TULP1: variants seen among roughly 807,000 people sequenced by gnomAD.
The protein encoded by TULP1 is tubby-related protein 1.
In TULP1, 50 loss-of-function variants were observed where a neutral mutation model predicts 67.1. The ratio of observed to expected loss-of-function variants is 0.75; its 90% CI spans 0.59 to 0.94. The LOEUF is 0.94. Among genes scored for constraint, TULP1 ranks in the 40% least tolerant of loss-of-function variants. The pLI is 0.00. For synonymous variants in TULP1, 297 were observed against 294.0 expected (o/e 1.01, Z -0.11); for missense variants, 746 against 734.1 (o/e 1.02, Z -0.19).
chr6:35,505,198 A>T (rs1413374208), intron 11 of TULP1, among the ~76,000 whole-genome samples: 1 of 152,202 alleles, frequency 6.6e-6, no homozygotes, highest in Non-Finnish European at 1.5e-5. Context: ...TGGCCTCCCA[A>T]AATGCTGGGA....
intron 4 of TULP1, 111 bp downstream of exon 4, chr6:35,511,537 G>A: frequency 1.3e-6 from 2 of 1,489,316 alleles, no homozygotes; most frequent in Non-Finnish European, 1.8e-6. Context: ...AAAAGTGGGG[G>A]CTATTTGACT....
Position 35,509,903 on chromosome 6 carries a change from T to G in TULP1, c.525A>C (p.Pro175=). The part of the protein sequence containing the change: ...PRGDLGSPDP[P]PKPLRVRNKE... ...TATTCCTAACACGCAGAGGTTTCGG[T>G]GGGGGGTCAGGGCTTCCCAGGTCTC... The change falls in exon 6 of 15, where the codon CCA becomes CCC. Residue 175 remains proline, a synonymous_variant. Coordinates refer to ENST00000229771, the MANE Select transcript of TULP1 (RefSeq NM_003322.6). 2 of 1,613,670 alleles carry G rather than the reference T, an allele frequency of 1.2e-6. No individual in the cohort carries two copies. Among genetic ancestry groups the G allele is most frequent in the Non-Finnish European group, 1.7e-6 (2 of 1,179,942 alleles).
In TULP1 at chr6:35,505,848, G is replaced by A. The variant is rs1761069420; in HGVS notation, c.1005C>T (p.Phe335=). The A allele has an allele frequency of 3.7e-6, 6 of 1,614,200 alleles. No homozygotes were observed. In the South Asian group the frequency reaches 6.6e-5, roughly 18 times the overall value. ...GTTTTCGTTTCCTGCCAGCCAAGAG[G>A]AACACCTGGGGAAAAGGGGAGACAG... is the stretch of plus-strand genomic sequence containing the variant. ...FLHLDTEKKV[F]LLAGRKRKRS... is the part of the protein sequence containing the mutation. The change falls in exon 11 of 15, where the codon TTC becomes TTT. Residue 335 remains phenylalanine (F), a synonymous_variant. Transcript: ENST00000229771.
At chr6:35,500,173 A>G in intron 13 of TULP1, 21 bp from the exon 14 acceptor site, 2 of 1,613,374 alleles carry the variant, frequency 1.2e-6, no homozygotes, top group East Asian at 2.2e-5. Flanking sequence ...CCAGGGGAGT[A>G]GACAGGGAGA....
In TULP1 at chr6:35,512,809, G is replaced by T. The variant is rs748291939; in HGVS notation, c.47+3C>A. ...GGTGCCACGAACTGGGGGCCTTCCA[G>T]ACCTGTCAGAGGCCCACACCTCTCG... On this transcript the variant is annotated splice_donor_region_variant and intron_variant, in intron 1 of 14. Transcript: ENST00000229771. 5.8e-6 allele frequency: 9 copies of T among 1,556,878 alleles called. No homozygotes were observed. Among genetic ancestry groups the T allele is most frequent in the Non-Finnish European group, 7.0e-6 (8 of 1,144,872 alleles).
rs1387933767 is a variant in TULP1 at position 35,499,964 on chromosome 6, G to A, written c.1495+17C>T. ...GGGTGGTGGAGAAGAGCCAGACCTG[G>A]GCCCTCAGGTACTCACGGTCATCAG... On this transcript the variant is annotated intron_variant, in intron 14 of 14. Coordinates refer to ENST00000229771, the MANE Select transcript of TULP1 (RefSeq NM_003322.6). The A allele has an allele frequency of 1.2e-6, 2 of 1,613,634 alleles. No homozygotes were observed. Among genetic ancestry groups the A allele is most frequent in the African/African-American group, 1.3e-5 (1 of 74,914 alleles).
Position 35,500,025 on chromosome 6 carries a change from G to C in TULP1, c.1451C>G (p.Thr484Ser). Residue 484 changes from threonine (T) to serine (S), a missense_variant, in exon 14 of 15, where the codon ACC (threonine) becomes AGC (serine). Coordinates refer to ENST00000229771, the MANE Select transcript of TULP1 (RefSeq NM_003322.6). ...CTGGAAGTTCTTGACTGAGGCCTGG[G>C]TGACCCGGCCTTGGAAGTTGAGGGT... is the stretch of plus-strand genomic sequence containing the variant. ...SYTLNFQGRV[T>S]QASVKNFQIV... The C allele has an allele frequency of 6.2e-7, 1 of 1,614,180 alleles. No individual in the cohort carries two copies. Among genetic ancestry groups the C allele is most frequent in the Non-Finnish European group, 8.5e-7 (1 of 1,180,034 alleles).
chr6:35,504,457 T>A (rs1761041902), intron 11 of TULP1, among the ~76,000 whole-genome samples: 1 of 152,204 alleles, frequency 6.6e-6, no homozygotes, highest in South Asian at 2.1e-4. Context: ...GTATTTAAAC[T>A]CTCTGAGCCC....
In TULP1 at chr6:35,511,809, G is replaced by A; in HGVS notation, c.191-3C>T. 2 of 1,546,026 alleles carry A rather than the reference G, an allele frequency of 1.3e-6. No individual in the cohort carries two copies. The highest frequency in any genetic ancestry group is 1.7e-6 in the Non-Finnish European group (2 of 1,145,044). On this transcript the variant is annotated splice_polypyrimidine_tract_variant and splice_region_variant and intron_variant, in intron 3 of 14. Transcript: ENST00000229771. ...CCGCGGCCTCCCCGTCCGCCCAGCT[G>A]AGCCGAGATGCGGGGTTCAGACAGG...
At chr6:35,511,835 G>A in intron 3 of TULP1, 29 bp from the exon 4 acceptor site, 1 of 1,506,828 alleles carries the variant, frequency 6.6e-7, no homozygotes. Flanking sequence ...TTCAGACAGG[G>A]TCCCATCCGC....
chr6:35,506,135 G>T lies in TULP1; in HGVS notation c.867C>A (p.Asp289Glu), dbSNP rs748624151. 1 of 1,613,616 alleles carries T rather than the reference G, an allele frequency of 6.2e-7. No individual in the cohort carries two copies. Among genetic ancestry groups the T allele is most frequent in the Non-Finnish European group, 8.5e-7 (1 of 1,179,942 alleles). ...ERAPSPPVEVDEPREFVLRPA... is the reference protein window; with the variant it reads ...ERAPSPPVEVEEPREFVLRPA... ...GCCGGAGCACAAACTCCCGGGGTTC[G>T]TCCACCTCCACGGGGGGAGACGGGG... Residue 289 changes from aspartate to glutamate, a missense_variant, in exon 10 of 15, where the codon GAC (aspartate) becomes GAA (glutamate). This residue lies in a region of TULP1 where 383 missense variants were observed against 374.1 expected (regional missense o/e 1.02). Coordinates refer to ENST00000229771, the MANE Select transcript of TULP1 (RefSeq NM_003322.6).
At chr6:35,510,600 CAAAG>C (rs1289682305) in intron 5 of TULP1, 2 of 632,396 alleles carry the variant, frequency 3.2e-6, no homozygotes, top group African/African-American at 3.7e-5. Flanking sequence ...ACAAAAATCA[CAAAG>C]AAAACTAGAA....
intron 8 of TULP1, 81 bp downstream of exon 8, chr6:35,509,128 C>T: frequency 7.7e-7 from 1 of 1,295,216 alleles, no homozygotes; most frequent in Non-Finnish European, 1.1e-6. Context: ...CTCCAAGCCC[C>T]CACCCTCTAG....
In TULP1 at chr6:35,506,030, G is replaced by A; in HGVS notation, c.972C>T (p.Tyr324=). The part of the protein sequence containing the change: ...KGMDRGMYPS[Y]FLHLDTEKKV... ...TCTTCTCCGTGTCCAGGTGCAGGAA[G>A]TAGGAGGGATACATGCCTCGATCCA... Residue 324 remains tyrosine (Y), a synonymous_variant, in exon 10 of 15, where the codon TAC becomes TAT. Coordinates refer to ENST00000229771, the MANE Select transcript of TULP1 (RefSeq NM_003322.6). 1 of 1,614,008 alleles carries A rather than the reference G, an allele frequency of 6.2e-7. No homozygotes were observed. The highest frequency in any genetic ancestry group is 8.5e-7 in the Non-Finnish European group (1 of 1,180,034).
At position 35,509,737 on chromosome 6, in the gene TULP1, G is replaced by A. The variant is rs113370625; in HGVS notation, c.615C>T (p.Ala205=). 131 of 1,613,914 alleles carry A rather than the reference G, an allele frequency of 8.1e-5. No individual in the cohort carries two copies. The highest frequency in any genetic ancestry group is 7.7e-4 in the African/African-American group (58 of 74,954). ...RKTKKKGSGE[A]DKDPSGSPAS... is the part of the protein sequence containing the mutation. ...CTGGGCTCCCTGAGGGGTCCTTGTC[G>A]GCCTCCCCAGACCCTGCATGTGTGG... Residue 205 remains alanine (A), a synonymous_variant, in exon 7 of 15, where the codon GCC becomes GCT. Transcript: ENST00000229771.
chr6:35,511,871 C>T (rs1761212827), intron 3 of TULP1, 65 bp from the exon 4 acceptor site: 8 of 1,465,492 alleles, frequency 5.5e-6, no homozygotes, highest in African/African-American at 1.4e-5. Flanking sequence ...CGCCTCTACC[C>T]GCTACCCCCA....
chr6:35,502,338 C>T (rs980952651), intron 13 of TULP1, among the ~76,000 whole-genome samples: 11 of 151,168 alleles, frequency 7.3e-5, no homozygotes, highest in Admixed American at 2.0e-4. Context: ...GGATTACAGG[C>T]GCCTGTCACC....
At chr6:35,512,059 C>G (rs1461071300) in intron 3 of TULP1, 121 bp downstream of exon 3, 60 of 459,086 alleles carry the variant, frequency 1.3e-4, no homozygotes, top group Non-Finnish European at 2.0e-4. Context: ...CCTCTCATCA[C>G]TCCCCGCCCC....
rs1028479463 is a variant in TULP1 at position 35,507,753 on chromosome 6, A to G, written c.822+1456T>C. Reference sequence around the variant, plus strand: ...CTGGGTGTGTGCATTTGAGGGTTCAATGCTATTTGGGAGCCACGAAGAATC... The same window carrying G: ...CTGGGTGTGTGCATTTGAGGGTTCAGTGCTATTTGGGAGCCACGAAGAATC... On this transcript the variant is annotated intron_variant, in intron 8 of 14. Transcript: ENST00000229771. 3.9e-5 allele frequency among the ~76,000 whole-genome samples: 6 copies of G among 152,172 alleles called. No homozygotes were observed. The East Asian group carries it at 5.8e-4, about 15-fold the overall frequency.
Sources: allele counts gnomAD v4.1 joint callset (sites outside exome capture counted in the v4.1 genomes callset), GRCh38; gene constraint gnomAD v4.1.1; regional missense constraint gnomAD v4.1.1; transcripts MANE v1.5; gene names NCBI Gene and HGNC (gene_info 2026-07-23, HGNC 2026-07-21).